Variants in OVOL3 observed in about 807,000 individuals in gnomAD.
The protein encoded by OVOL3 is ovo like zinc finger 3, also known as putative transcription factor ovo-like protein 3.
Under a neutral mutation model 13.6 loss-of-function variants are expected in OVOL3, and 15 were observed. That is an observed-to-expected ratio of 1.11 (90% CI 0.74 to 1.70). The LOEUF (loss-of-function observed/expected upper bound fraction) is 1.70, where lower values mean the gene tolerates loss of function less well. OVOL3 is among the 40% of genes most tolerant of loss of function. The pLI is 0.00. For synonymous variants in OVOL3, 102 were observed against 108.5 expected (o/e 0.94, Z 0.37); for missense variants, 290 against 280.6 (o/e 1.03, Z -0.24).
intron 2 of OVOL3, chr19:36,111,898 A>G: frequency 4.4e-6 from 2 of 456,330 alleles, no homozygotes; most frequent in Admixed American, 2.4e-5. Context: ...TGGAGCTTAT[A>G]TTCTGGTTGG....
rs1426693962 is a variant in OVOL3, at chr19:36,111,164, T to C, written c.-39T>C. On this transcript the variant is annotated 5_prime_UTR_variant, in exon 1 of 4. Transcript: ENST00000633214. ...CCTGGGGCTGAGGTCTGACAGCAGG[T>C]GGAAGCAGCCCCTGTGTGTGGAGAG... The C allele has an allele frequency of 6.7e-7, 1 of 1,484,416 alleles. No homozygotes were observed. The highest frequency in any genetic ancestry group is 2.1e-5 in the Admixed American group (1 of 48,506). The allele number at this position is 1,484,416 out of a possible 1,614,324, so 92.0% of individuals were successfully genotyped here. A position where few individuals can be genotyped will look rare whatever the true frequency, so the allele number is the denominator to read the frequency against.
Position 36,113,644 on chromosome 19 carries a change from C to CT in OVOL3, c.557dup (p.His187AlafsTer?). On this transcript the variant is annotated frameshift_variant, in exon 4 of 4. Transcript: ENST00000633214. LOFTEE classifies it high-confidence loss of function. ...CGACACCTACGCACAGCACCGCGCC[C>CT]TGCACCGCGCAGCCTGATACGGTGT... 1.3e-6 allele frequency: 2 copies of CT among 1,548,376 alleles called. No homozygotes were observed. Among genetic ancestry groups the CT allele is most frequent in the Non-Finnish European group, 1.7e-6 (2 of 1,146,416 alleles).
In OVOL3 at chr19:36,113,515, G is replaced by C; in HGVS notation, c.427G>C (p.Ala143Pro). 1 of 1,536,200 alleles carries C rather than the reference G, an allele frequency of 6.5e-7. No individual in the cohort carries two copies. The highest frequency in any genetic ancestry group is 8.7e-7 in the Non-Finnish European group (1 of 1,146,896). Residue 143 changes from alanine (A) to proline (P), a missense_variant, in exon 4 of 4, where the codon GCT becomes CCT. By Grantham distance (27) the Ala-to-Pro change is conservative. Coordinates refer to ENST00000633214, the MANE Select transcript of OVOL3 (RefSeq NM_001302757.2). ...KAFTQRCSLE[A>P]HLAKVHGQPA... ...GTTTACGCAGCGCTGCTCCCTGGAA[G>C]CTCACCTTGCTAAGGTGCATGGACA...
intron 2 of OVOL3, 133 bp downstream of exon 2, chr19:36,111,566 C>T (rs986751951): frequency 3.3e-6 from 3 of 898,296 alleles, no homozygotes; most frequent in Admixed American, 2.0e-5. Flanking sequence ...TCCGCCCCTA[C>T]TTCTCTGTGT....
chr19:36,113,463 C>A lies in OVOL3; in HGVS notation c.375C>A (p.Pro125=). The A allele has an allele frequency of 6.5e-7, 1 of 1,535,114 alleles. No individual in the cohort carries two copies. The highest frequency in any genetic ancestry group is 8.7e-7 in the Non-Finnish European group (1 of 1,146,034). ...CGCCCATCTGTGCAGGGATCCGGCCCTTCCGCTGCAGTGCTTGCGGGAAAG... is the reference window on the plus strand; with the variant it reads ...CGCCCATCTGTGCAGGGATCCGGCCATTCCGCTGCAGTGCTTGCGGGAAAG... The part of the protein sequence containing the change: ...RHMRTHTGIR[P]FRCSACGKAF... The change falls in exon 4 of 4, where the codon CCC becomes CCA. Residue 125 remains proline (P), a synonymous_variant. Transcript: ENST00000633214.
rs1248619940 is a variant in OVOL3 at position 36,112,741 on chromosome 19, A to G, written c.160-19A>G. ...ATGGGGTCCAGCCAGAGAGGCTAATAACTCCTGCATCCCTCCAGCAGCCCA... is the reference window on the plus strand; with the variant it reads ...ATGGGGTCCAGCCAGAGAGGCTAATGACTCCTGCATCCCTCCAGCAGCCCA... On this transcript the variant is annotated intron_variant, in intron 2 of 3. Transcript: ENST00000633214. The G allele has an allele frequency of 7.9e-6, 12 of 1,525,534 alleles. No individual in the cohort carries two copies. Among genetic ancestry groups the G allele is most frequent in the Non-Finnish European group, 1.1e-5 (12 of 1,140,104 alleles). 94.5% of individuals were successfully genotyped at this position (1,525,534 alleles called of 1,614,324 possible).
intron 2 of OVOL3, among the ~76,000 whole-genome samples, chr19:36,112,210 CA>C (rs916709584): frequency 2.0e-5 from 3 of 150,444 alleles, no homozygotes; most frequent in Non-Finnish European, 4.4e-5. Flanking sequence ...CATCCCCCCT[CA>C]AAAAAAACAA....
intron 3 of OVOL3, 47 bp downstream of exon 3, chr19:36,113,011 G>T: frequency 6.6e-7 from 1 of 1,513,180 alleles, no homozygotes; most frequent in South Asian, 1.2e-5. Flanking sequence ...CCCAGGTGGG[G>T]ATGGAAGGAA....
In OVOL3 at chr19:36,113,656, G is replaced by C. The variant is rs1472046426; in HGVS notation, c.568G>C (p.Ala190Pro). 1.9e-6 allele frequency: 3 copies of C among 1,548,842 alleles called. No individual in the cohort carries two copies. Among genetic ancestry groups the C allele is most frequent in the Non-Finnish European group, 1.7e-6 (2 of 1,145,778 alleles). Residue 190 changes from alanine (A) to proline (P), a missense_variant, in exon 4 of 4, where the codon GCC (alanine) becomes CCC (proline). By Grantham distance (27) the Ala-to-Pro change is conservative (BLOSUM62 -1). Coordinates refer to ENST00000633214, the MANE Select transcript of OVOL3 (RefSeq NM_001302757.2). ...ACAGCACCGCGCCCTGCACCGCGCA[G>C]CCTGATACGGTGTGCCAGCGTCCTC... is the stretch of plus-strand genomic sequence containing the variant. ...YAQHRALHRA[A>P]
intron 2 of OVOL3, chr19:36,111,809 T>C (rs763439671): frequency 1.7e-5 from 8 of 479,012 alleles, no homozygotes; most frequent in South Asian, 9.3e-5. Context: ...CGGAATGTAA[T>C]ATATTCATGA....
chr19:36,111,336 G>C, intron 1 of OVOL3, 33 bp from the exon 2 acceptor site: 7 of 1,535,478 alleles, frequency 4.6e-6, no homozygotes, highest in Non-Finnish European at 6.1e-6. Flanking sequence ...GGGCAGGAGA[G>C]ACGCAGTGTC....
chr19:36,111,686 C>G (rs1189140661), intron 2 of OVOL3: 2 of 656,552 alleles, frequency 3.0e-6, no homozygotes, highest in East Asian at 6.0e-5. Context: ...AAGATTCATC[C>G]CCACATGTGG....
intron 2 of OVOL3, 33 bp from the exon 3 acceptor site, chr19:36,112,727 C>T (rs752123990): frequency 1.5e-5 from 22 of 1,506,702 alleles, no homozygotes; most frequent in Non-Finnish European, 2.0e-5. Flanking sequence ...TGGGGTCCAG[C>T]CAGAGAGGCT....
intron 3 of OVOL3, 133 bp from the exon 4 acceptor site, chr19:36,113,320 A>G: frequency 2.1e-6 from 2 of 936,766 alleles, no homozygotes; most frequent in African/African-American, 1.6e-5. Context: ...ATGGTGGGTC[A>G]TGGGCGGAAG....
At chr19:36,111,337 A>T (rs567407686) in intron 1 of OVOL3, 32 bp from the exon 2 acceptor site, 1 of 1,535,322 alleles carries the variant, frequency 6.5e-7, no homozygotes, top group East Asian at 2.4e-5. Flanking sequence ...GGCAGGAGAG[A>T]CGCAGTGTCA....
intron 2 of OVOL3, among the ~76,000 whole-genome samples, chr19:36,112,552 G>T (rs1047560015): frequency 3.3e-5 from 5 of 151,936 alleles, no homozygotes; most frequent in Non-Finnish European, 5.9e-5. Flanking sequence ...CACATCAGAA[G>T]ATGGGACTTG....
At position 36,112,813 on chromosome 19, in the gene OVOL3, C is replaced by T. The variant is rs778931643; in HGVS notation, c.213C>T (p.Gly71=). 8.5e-6 allele frequency: 13 copies of T among 1,535,224 alleles called. No homozygotes were observed. In the South Asian group the frequency reaches 1.4e-4, roughly 17 times the overall value. Residue 71 remains glycine, a synonymous_variant, in exon 3 of 4, where the codon GGC becomes GGT. Coordinates refer to ENST00000633214, the MANE Select transcript of OVOL3 (RefSeq NM_001302757.2). ...TSAPRGPGTL[G]CPLCPKAFPL... is the part of the protein sequence containing the mutation. Reference sequence around the variant, plus strand: ...CTCCCAGGGGCCCTGGGACGCTGGGCTGCCCGCTCTGCCCTAAGGCCTTCC... The same window carrying T: ...CTCCCAGGGGCCCTGGGACGCTGGGTTGCCCGCTCTGCCCTAAGGCCTTCC...
In OVOL3 at chr19:36,111,305, CT is replaced by C. The variant is rs1163217251; in HGVS notation, c.94+10del. On this transcript the variant is annotated intron_variant, in intron 1 of 3. Transcript: ENST00000633214. ...AGATGCCTATATCCCAGGTGGGCCC[CT>C]CACTGTGCCTGGAGGTAAGGGGCAG... 1 of 1,535,970 alleles carries C rather than the reference CT, an allele frequency of 6.5e-7. No individual in the cohort carries two copies. The highest frequency in any genetic ancestry group is 1.4e-5 in the African/African-American group (1 of 73,176).
At chr19:36,112,066 T>C (rs1224282659) in intron 2 of OVOL3, among the ~76,000 whole-genome samples, 1 of 151,486 alleles carries the variant, frequency 6.6e-6, no homozygotes, top group Non-Finnish European at 1.5e-5. Flanking sequence ...CCAGACATGG[T>C]GGCACGTGCC....
Sources: allele counts gnomAD v4.1 joint callset (sites outside exome capture counted in the v4.1 genomes callset), GRCh38; gene constraint gnomAD v4.1.1; transcripts MANE v1.5; gene names NCBI Gene and HGNC (gene_info 2026-07-23, HGNC 2026-07-21).